Variants in SLC27A6 observed in about 807,000 individuals in gnomAD.
SLC27A6 encodes solute carrier family 27 member 6, also known as long-chain fatty acid transport protein 6.
In SLC27A6, 74 loss-of-function variants were observed where a neutral mutation model predicts 63.9. That is an observed-to-expected ratio of 1.16 (90% CI 0.96 to 1.40). The LOEUF (loss-of-function observed/expected upper bound fraction) is 1.40, where lower values mean the gene tolerates loss of function less well. SLC27A6 is among the 40% of genes most tolerant of loss of function. The pLI is 0.00. For synonymous variants in SLC27A6, 287 were observed against 260.8 expected, an observed-to-expected ratio of 1.10 and a Z score of -0.97; for missense variants, 794 against 732.9, an observed-to-expected ratio of 1.08 and a Z score of -0.96.
rs555349062 is a variant in SLC27A6, at chr5:128,994,036, C to T, written c.969+3572C>T. Among the ~76,000 whole-genome samples, 34 of 151,984 alleles carry T rather than the reference C, an allele frequency of 2.2e-4. No homozygotes were observed. The East Asian group carries it at 2.5e-3, about 11-fold the overall frequency. The stretch of plus-strand genomic sequence containing the variant: ...TACAAAAATTAGCCGGGCGTGGTGG[C>T]GAGCACCTGTAATCCCAGCTACTCG... On this transcript the variant is annotated intron_variant, in intron 4 of 9. Coordinates refer to ENST00000262462, the MANE Select transcript of SLC27A6 (RefSeq NM_001017372.3).
In SLC27A6 at chr5:128,974,401, A is replaced by G. The variant is rs985183863; in HGVS notation, c.481+7783A>G. ...GGAGAAGTCACCCATTCTTTCTGGC[A>G]TACCTTCAAATATAAATGAGATATA... is the stretch of plus-strand genomic sequence containing the variant. On this transcript the variant is annotated intron_variant, in intron 1 of 9. Coordinates refer to ENST00000262462, the MANE Select transcript of SLC27A6 (RefSeq NM_001017372.3). Among the ~76,000 whole-genome samples, 3 of 152,322 alleles carry G rather than the reference A, an allele frequency of 2.0e-5. No individual in the cohort carries two copies. In the South Asian group the frequency reaches 6.2e-4, roughly 32 times the overall value.
intron 1 of SLC27A6, among the ~76,000 whole-genome samples, chr5:128,980,802 A>G (rs1465806994): frequency 6.6e-6 from 1 of 152,234 alleles, no homozygotes; most frequent in Admixed American, 6.5e-5. Context: ...TGTATTAACA[A>G]CCATAATCAA....
At chr5:129,000,315 T>G (rs1443609923) in intron 4 of SLC27A6, among the ~76,000 whole-genome samples, 2 of 152,210 alleles carry the variant, frequency 1.3e-5, no homozygotes. Flanking sequence ...CCTCCACTAT[T>G]GCATAAGTTC....
Position 129,023,611 on chromosome 5 carries a change from T to A in SLC27A6, c.1165-9T>A. On this transcript the variant is annotated splice_polypyrimidine_tract_variant and intron_variant, in intron 5 of 9. Coordinates refer to ENST00000262462, the MANE Select transcript of SLC27A6 (RefSeq NM_001017372.3). The stretch of plus-strand genomic sequence containing the variant: ...CTTGTTTCTATTTGTTTGATTTTTT[T>A]TTTTGCAGCTTCTTTCCACTTTTGA... 6.3e-7 allele frequency: 1 copy of A among 1,582,358 alleles called. No homozygotes were observed. The highest frequency in any genetic ancestry group is 8.6e-7 in the Non-Finnish European group (1 of 1,168,096).
intron 6 of SLC27A6, among the ~76,000 whole-genome samples, chr5:129,024,227 G>A (rs566209769): frequency 6.6e-6 from 1 of 152,214 alleles, no homozygotes; most frequent in East Asian, 1.9e-4. Flanking sequence ...TACAAAAGTG[G>A]TAACTATTTG....
intron 4 of SLC27A6, among the ~76,000 whole-genome samples, chr5:129,004,179 T>G (rs1580729302): frequency 6.6e-6 from 1 of 152,238 alleles, no homozygotes; most frequent in East Asian, 1.9e-4. Flanking sequence ...TGTGTGTGAG[T>G]GTCTCTCTAT....
intron 4 of SLC27A6, among the ~76,000 whole-genome samples, chr5:129,000,176 A>G (rs1317641684): frequency 1.3e-5 from 2 of 152,142 alleles, no homozygotes; most frequent in African/African-American, 2.4e-5. Context: ...GGAGATGGAC[A>G]CTGGATTATG....
At position 129,001,454 on chromosome 5, in the gene SLC27A6, A is replaced by T. The variant is rs144977526; in HGVS notation, c.969+10990A>T. Among the ~76,000 whole-genome samples, 413 of 152,272 alleles carry T rather than the reference A, an allele frequency of 2.7e-3. 3 individuals are homozygous for T. Among genetic ancestry groups the T allele is most frequent in the African/African-American group, 9.6e-3 (400 of 41,552 alleles). On this transcript the variant is annotated intron_variant, in intron 4 of 9. Transcript: ENST00000262462. ...ACTGTTGGAATGTTTTATCTTTCTT[A>T]TTATTACATAAGGTGTGTTGGTGTG...
chr5:129,016,202 C>G, intron 5 of SLC27A6, 123 bp downstream of exon 5: 1 of 630,020 alleles, frequency 1.6e-6, no homozygotes, highest in Non-Finnish European at 2.7e-6. Context: ...ACCATCCTGG[C>G]CAACACAGTG....
intron 5 of SLC27A6, among the ~76,000 whole-genome samples, chr5:129,022,795 A>C (rs1357003740): frequency 6.6e-6 from 1 of 152,126 alleles, no homozygotes; most frequent in Non-Finnish European, 1.5e-5. Context: ...ACTGCACTGT[A>C]GCCTGGGTGA....
intron 4 of SLC27A6, among the ~76,000 whole-genome samples, chr5:128,998,274 G>A (rs1263612426): frequency 2.0e-5 from 3 of 151,996 alleles, no homozygotes. Context: ...CAGCTTGGGT[G>A]ACAGAGCAAG....
intron 1 of SLC27A6, among the ~76,000 whole-genome samples, chr5:128,969,337 C>CT (rs145560995): frequency 0.25 from 38,148 of 152,064 alleles, 5,348 homozygotes; most frequent in Non-Finnish European, 0.31. Context: ...GGCATTGAAT[C>CT]TATAAGTTAC....
intron 8 of SLC27A6, among the ~76,000 whole-genome samples, chr5:129,029,164 G>A (rs1393032383): frequency 6.6e-6 from 1 of 152,014 alleles, no homozygotes; most frequent in African/African-American, 2.4e-5. Flanking sequence ...ATGGAAATAC[G>A]AGTTTCTAGT....
chr5:128,986,441 A>C (rs1750788028), intron 2 of SLC27A6, among the ~76,000 whole-genome samples: 1 of 152,246 alleles, frequency 6.6e-6, no homozygotes. Context: ...GATTTGACTT[A>C]GACATATTAA....
chr5:128,973,073 G>A (rs1750243078), intron 1 of SLC27A6, among the ~76,000 whole-genome samples: 3 of 152,276 alleles, frequency 2.0e-5, no homozygotes, highest in South Asian at 4.1e-4. Context: ...TCCAGACCCC[G>A]TTTGCCTGGG....
At chr5:129,026,050 G>A (rs111769706) in intron 6 of SLC27A6, among the ~76,000 whole-genome samples, 83 of 152,258 alleles carry the variant, frequency 5.5e-4, no homozygotes, top group African/African-American at 1.7e-3. Context: ...TGGGAGGATC[G>A]GTTGAGTCTG....
chr5:128,973,727 C>T (rs1489800441), intron 1 of SLC27A6, among the ~76,000 whole-genome samples: 1 of 152,184 alleles, frequency 6.6e-6, no homozygotes, highest in African/African-American at 2.4e-5. Context: ...CTTGTGTTTC[C>T]CAGGTGAGGC....
At position 128,990,539 on chromosome 5, in the gene SLC27A6, C is replaced by G. The variant is rs1404994787; in HGVS notation, c.969+75C>G. Reference sequence around the variant, plus strand: ...GAGATAGAAAAGGTTATTTTTATTTCTTTGTTTATACTCTACCTTTGTTAC... The same window carrying G: ...GAGATAGAAAAGGTTATTTTTATTTGTTTGTTTATACTCTACCTTTGTTAC... On this transcript the variant is annotated intron_variant, in intron 4 of 9. Coordinates refer to ENST00000262462, the MANE Select transcript of SLC27A6 (RefSeq NM_001017372.3). 4.3e-6 allele frequency: 6 copies of G among 1,403,450 alleles called. No individual in the cohort carries two copies. In the Admixed American group the frequency reaches 1.2e-4, roughly 27 times the overall value. The allele number at this position is 1,403,450 out of a possible 1,614,324, so 86.9% of individuals were successfully genotyped here.
intron 1 of SLC27A6, among the ~76,000 whole-genome samples, chr5:128,969,401 G>T (rs541680770): frequency 6.6e-6 from 1 of 152,298 alleles, no homozygotes; most frequent in Admixed American, 6.5e-5. Context: ...CATGGGCATG[G>T]AATGTTCTTC....
Sources: allele counts gnomAD v4.1 joint callset (sites outside exome capture counted in the v4.1 genomes callset), GRCh38; gene constraint gnomAD v4.1.1; transcripts MANE v1.5; gene names NCBI Gene and HGNC (gene_info 2026-07-23, HGNC 2026-07-21).